ZBBX: variants seen among roughly 807,000 people sequenced by gnomAD.
ZBBX encodes zinc finger B-box domain-containing protein 1.
A neutral mutation model predicts 108.5 loss-of-function variants in ZBBX; 101 were observed. The observed-to-expected ratio is 0.93, with a 90% CI of 0.79 to 1.10. ZBBX has a LOEUF of 1.10. ZBBX is among the 50% of genes least tolerant of loss of function. ZBBX has a pLI of 0.00. For missense variants in ZBBX, 1,009 were observed against 941.4 expected, an observed-to-expected ratio of 1.07 and a Z score of -0.94; for synonymous variants, 356 against 323.4, an observed-to-expected ratio of 1.10 and a Z score of -1.08.
chr3:167,289,953 G>T (rs1220981430), intron 18 of ZBBX, among the ~76,000 whole-genome samples: 2 of 152,134 alleles, frequency 1.3e-5, no homozygotes, highest in African/African-American at 4.8e-5. Context: ...TCCTCACAGT[G>T]TAAACAAAGC....
the ZBBX span, among the ~76,000 whole-genome samples, chr3:167,194,965 C>T: frequency 6.6e-6 from 1 of 152,182 alleles, no homozygotes; most frequent in Non-Finnish European, 1.5e-5. Flanking sequence ...AGTGCTCCTG[C>T]CTTCCTGAAA....
chr3:167,226,472 A>G, the ZBBX span, among the ~76,000 whole-genome samples: 1 of 151,768 alleles, frequency 6.6e-6, no homozygotes, highest in African/African-American at 2.4e-5. Flanking sequence ...ATATAACCCA[A>G]GGAAACCTGG....
At chr3:167,331,385 A>G (rs10936529) in intron 10 of ZBBX, among the ~76,000 whole-genome samples, 52,377 of 151,968 alleles carry the variant, frequency 0.34, 9,529 homozygotes, top group East Asian at 0.66. Context: ...CCAGTAAGCA[A>G]TATGTCAGTG....
At chr3:167,245,419 T>A (rs1382372645) in intron 20 of ZBBX, among the ~76,000 whole-genome samples, 1 of 152,218 alleles carries the variant, frequency 6.6e-6, no homozygotes, top group Non-Finnish European at 1.5e-5. Flanking sequence ...CTCTCCCCTC[T>A]GCACTATGTC....
chr3:167,296,681 C>G (rs1410652829), intron 18 of ZBBX, among the ~76,000 whole-genome samples: 9 of 151,850 alleles, frequency 5.9e-5, no homozygotes, highest in Non-Finnish European at 1.3e-4. Context: ...AGGTGGAAGA[C>G]TTATGCAATG....
At chr3:167,252,036 T>A (rs1372371093) in intron 20 of ZBBX, 1 of 794,606 alleles carries the variant, frequency 1.3e-6, no homozygotes, top group Non-Finnish European at 1.8e-6. Flanking sequence ...AGAAACTGTT[T>A]CCTTAAACAC....
intron 18 of ZBBX, among the ~76,000 whole-genome samples, chr3:167,292,842 G>T (rs1006289995): frequency 1.3e-5 from 2 of 152,056 alleles, no homozygotes; most frequent in African/African-American, 4.8e-5. Context: ...GAATCAAATA[G>T]ATGCAATAAA....
upstream of ZBBX, among the ~76,000 whole-genome samples, chr3:167,380,866 G>A (rs1003170046): frequency 2.8e-5 from 4 of 141,440 alleles, no homozygotes; most frequent in Admixed American, 7.0e-5. Context: ...GCAAATATAT[G>A]CACACACACA....
In ZBBX at chr3:167,313,868, G is replaced by T. The variant is rs571960998; in HGVS notation, c.1417+106C>A. 1.0e-4 allele frequency: 110 copies of T among 1,064,734 alleles called. No individual in the cohort carries two copies. In the African/African-American group the frequency reaches 1.6e-3, roughly 16 times the overall value. 66.0% of individuals were successfully genotyped at this position (1,064,734 alleles called of 1,614,324 possible). On this transcript the variant is annotated intron_variant, in intron 16 of 21. Transcript: ENST00000675490. ...AACTAATTTTCATTTTAGTACTGAG[G>T]TTTTTTTGGTTTTAAAATGAACAGC... is the stretch of plus-strand genomic sequence containing the variant.
chr3:167,305,848 T>A lies in ZBBX; in HGVS notation c.1520A>T (p.Lys507Met), dbSNP rs1733545245. ...ACTTTCTAAACCTATATTTTTCTCC[T>A]TTAAATTTCTTTCAAAGGAGGTGCT... ...EESTSFERNL[K>M]EKNIGLESNQ... The change falls in exon 17 of 22, where the codon AAG becomes ATG. Residue 507 changes from lysine to methionine, a missense_variant. Physicochemically the swap from Lys to Met is moderately conservative, Grantham distance 95. Transcript: ENST00000675490. 6.2e-7 allele frequency: 1 copy of A among 1,610,658 alleles called. No individual in the cohort carries two copies. Among genetic ancestry groups the A allele is most frequent in the South Asian group, 1.1e-5 (1 of 90,362 alleles).
the ZBBX span, among the ~76,000 whole-genome samples, chr3:167,208,898 G>A: frequency 6.6e-6 from 1 of 152,092 alleles, no homozygotes; most frequent in African/African-American, 2.4e-5. Flanking sequence ...CTTGGACAAC[G>A]TTTCTGGACC....
At chr3:167,386,586 T>C (rs753653856) in intron 1 of ZBBX, among the ~76,000 whole-genome samples, 2 of 152,112 alleles carry the variant, frequency 1.3e-5, no homozygotes, top group Non-Finnish European at 2.9e-5. Flanking sequence ...ATCTCTTGTT[T>C]ATTTTTTAAT....
intron 17 of ZBBX, among the ~76,000 whole-genome samples, chr3:167,299,195 TATCA>T (rs1278261815): frequency 6.6e-6 from 1 of 152,098 alleles, no homozygotes; most frequent in African/African-American, 2.4e-5. Flanking sequence ...TCAGAGTAGC[TATCA>T]GTTTTTAATA....
chr3:167,270,656 G>C (rs1726360937), intron 20 of ZBBX, among the ~76,000 whole-genome samples: 1 of 152,114 alleles, frequency 6.6e-6, no homozygotes, highest in Non-Finnish European at 1.5e-5. Flanking sequence ...TTGCTGCTAT[G>C]GCAATATTAG....
At chr3:167,306,040 A>T in intron 16 of ZBBX, 90 bp from the exon 17 acceptor site, 1 of 1,098,078 alleles carries the variant, frequency 9.1e-7, no homozygotes, top group Non-Finnish European at 1.2e-6. Flanking sequence ...GTGGTAAAAA[A>T]ACTTTCTCAA....
intron 8 of ZBBX, among the ~76,000 whole-genome samples, chr3:167,358,440 T>C (rs1363700405): frequency 1.3e-5 from 2 of 152,076 alleles, no homozygotes; most frequent in Non-Finnish European, 2.9e-5. Context: ...TGAAAACAGT[T>C]CTGTGAATGA....
At chr3:167,262,433 G>C (rs1019927430) in intron 20 of ZBBX, among the ~76,000 whole-genome samples, 1 of 152,194 alleles carries the variant, frequency 6.6e-6, no homozygotes, top group Non-Finnish European at 1.5e-5. Context: ...CTTTCAATAG[G>C]ATTGGTATAA....
intron 17 of ZBBX, among the ~76,000 whole-genome samples, chr3:167,300,236 T>C (rs1732400634): frequency 6.6e-6 from 1 of 152,186 alleles, no homozygotes; most frequent in East Asian, 1.9e-4. Flanking sequence ...TAAAATCCTA[T>C]GACAGATTAT....
intron 15 of ZBBX, among the ~76,000 whole-genome samples, chr3:167,315,302 A>G (rs930409025): frequency 2.0e-5 from 3 of 152,182 alleles, no homozygotes; most frequent in Admixed American, 1.3e-4. Context: ...ATACGTTAAA[A>G]TCTACCTAGG....
Sources: allele counts gnomAD v4.1 joint callset (sites outside exome capture counted in the v4.1 genomes callset), GRCh38; gene constraint gnomAD v4.1.1; transcripts MANE v1.5; gene names NCBI Gene and HGNC (gene_info 2026-07-23, HGNC 2026-07-21).